The following PPP4R3A variants were observed in gnomAD, a reference collection of about 807,000 sequenced individuals.
The protein encoded by PPP4R3A is serine/threonine-protein phosphatase 4 regulatory subunit 3A.
PPP4R3A carries 15 observed loss-of-function variants against 91.7 expected under a neutral mutation model. The ratio of observed to expected loss-of-function variants is 0.16; its 90% CI spans 0.11 to 0.25. The LOEUF (loss-of-function observed/expected upper bound fraction) is 0.25, where lower values mean the gene tolerates loss of function less well. Ranked by LOEUF, PPP4R3A falls within the 10% of genes least tolerant of loss-of-function variation. PPP4R3A has a pLI of 1.00. For synonymous variants in PPP4R3A, 377 were observed against 348.7 expected (o/e 1.08, Z -0.91); for missense variants, 623 against 998.4 (o/e 0.62, Z 5.07).
At chr14:91,489,909 A>T (rs1890133453) in intron 2 of PPP4R3A, among the ~76,000 whole-genome samples, 1 of 152,246 alleles carries the variant, frequency 6.6e-6, no homozygotes, top group Non-Finnish European at 1.5e-5. Flanking sequence ...TGGTCAAACA[A>T]GTCACGACCT....
At chr14:91,495,329 T>TGTGTGTGTGTGTGTGTG (rs1409046314) in intron 1 of PPP4R3A, among the ~76,000 whole-genome samples, 10 of 151,166 alleles carry the variant, frequency 6.6e-5, no homozygotes, top group South Asian at 4.2e-4. Context: ...TGTGTGTATG[T>TGTGTGTGTGTGTGTGTG]TTTTTTTTAG....
At chr14:91,509,335 G>A (rs903370583) in intron 1 of PPP4R3A, among the ~76,000 whole-genome samples, 171 bp downstream of exon 1, 1 of 152,202 alleles carries the variant, frequency 6.6e-6, no homozygotes, top group African/African-American at 2.4e-5. Context: ...AGCGCTCTCC[G>A]GGGAGCTCCC....
intron 1 of PPP4R3A, among the ~76,000 whole-genome samples, chr14:91,498,540 A>G (rs1566653336): frequency 6.6e-6 from 1 of 152,132 alleles, no homozygotes; most frequent in Non-Finnish European, 1.5e-5. Context: ...AAGAGTATAA[A>G]GGTATCTAGC....
At chr14:91,488,552 G>A (rs1478165322) in intron 2 of PPP4R3A, among the ~76,000 whole-genome samples, 3 of 152,094 alleles carry the variant, frequency 2.0e-5, no homozygotes, top group African/African-American at 4.8e-5. Context: ...TTCATTTTTA[G>A]TTTACCTTTA....
chr14:91,494,982 T>C (rs1380101054), intron 1 of PPP4R3A, among the ~76,000 whole-genome samples: 1 of 152,178 alleles, frequency 6.6e-6, no homozygotes. Context: ...GGAAGCTTCA[T>C]ACATTGCTTC....
intron 1 of PPP4R3A, among the ~76,000 whole-genome samples, chr14:91,498,316 C>A (rs1890711747): frequency 1.3e-5 from 2 of 150,890 alleles, no homozygotes; most frequent in Admixed American, 1.3e-4. Flanking sequence ...GCCTAATTGA[C>A]AGTGAGACTC....
At chr14:91,501,224 G>T (rs1042737173) in intron 1 of PPP4R3A, among the ~76,000 whole-genome samples, 1 of 152,116 alleles carries the variant, frequency 6.6e-6, no homozygotes, top group Non-Finnish European at 1.5e-5. Context: ...GAAGTAATAT[G>T]GGAGTGTTTG....
In PPP4R3A at chr14:91,465,240, C is replaced by G. The variant is rs371238457; in HGVS notation, c.1830+10G>C. ...AAAATGAAAATTCTAATTAAAAATA[C>G]AGAACCTACCACTCTAATAAATTCA... On this transcript the variant is annotated intron_variant, in intron 11 of 14. Transcript: ENST00000554943. 71 of 1,498,412 alleles carry G rather than the reference C, an allele frequency of 4.7e-5. No individual in the cohort carries two copies. Among genetic ancestry groups the G allele is most frequent in the Admixed American group, 1.7e-4 (7 of 40,698 alleles). The allele number at this position is 1,498,412 out of a possible 1,614,324, so 92.8% of individuals were successfully genotyped here. A position where few individuals can be genotyped will look rare whatever the true frequency, so the allele number is the denominator to read the frequency against.
In PPP4R3A at chr14:91,509,884, G is replaced by A. The variant is rs1332153264; in HGVS notation, c.-237C>T. The A allele has an allele frequency of 3.7e-6, 4 of 1,093,792 alleles. No homozygotes were observed. Among genetic ancestry groups the A allele is most frequent in the African/African-American group, 1.7e-5 (1 of 59,820 alleles). 67.8% of individuals were successfully genotyped at this position (1,093,792 alleles called of 1,614,324 possible). On this transcript the variant is annotated 5_prime_UTR_variant, in exon 1 of 15. Transcript: ENST00000554943. ...CCCGGCGCTATTGTCCAGGCCTGGC[G>A]AGCCCGGCGCCCGGCAGCCCCGAGG...
In PPP4R3A at chr14:91,492,102, A is replaced by G. The variant is rs1366923282; in HGVS notation, c.143-1300T>C. On this transcript the variant is annotated intron_variant, in intron 1 of 14. Coordinates refer to ENST00000554943, the MANE Select transcript of PPP4R3A (RefSeq NM_001366432.2). Reference sequence around the variant, plus strand: ...AATAGAAATCTACTAATTTATGGACAGCAGAAGGTAATTAAACAACACAGT... The same window carrying G: ...AATAGAAATCTACTAATTTATGGACGGCAGAAGGTAATTAAACAACACAGT... Among the ~76,000 whole-genome samples, 6 of 152,354 alleles carry G rather than the reference A, an allele frequency of 3.9e-5. No homozygotes were observed. In the South Asian group the frequency reaches 1.2e-3, roughly 32 times the overall value.
intron 1 of PPP4R3A, among the ~76,000 whole-genome samples, chr14:91,504,256 A>G (rs749406304): frequency 1.3e-5 from 2 of 151,452 alleles, no homozygotes; most frequent in Admixed American, 6.6e-5. Context: ...TGAGCCCAGA[A>G]GTTTGAGGTT....
At chr14:91,505,903 A>G (rs1891263439) in intron 1 of PPP4R3A, among the ~76,000 whole-genome samples, 1 of 152,256 alleles carries the variant, frequency 6.6e-6, no homozygotes, top group African/African-American at 2.4e-5. Context: ...CTGGCAGTCA[A>G]CACAAAAACA....
Position 91,461,567 on chromosome 14 carries a change from G to T in PPP4R3A, c.2205C>A (p.Asn735Lys). ...SEEKEVLLKT[N>K]LSGRQSPSFK... ...AACTTGGGCTCTGCCGTCCAGAAAG[G>T]TTTGTTTTCAGAAGCACTTCCTTTT... Residue 735 changes from asparagine to lysine, a missense_variant, in exon 14 of 15, where the codon AAC (asparagine) becomes AAA (lysine). Physicochemically the swap from Asn to Lys is moderately conservative, Grantham distance 94. This residue lies in a region of PPP4R3A where 201 missense variants were observed against 229.9 expected (regional missense o/e 0.87). Transcript: ENST00000554943. 6.2e-7 allele frequency: 1 copy of T among 1,614,060 alleles called. No homozygotes were observed. The highest frequency in any genetic ancestry group is 8.5e-7 in the Non-Finnish European group (1 of 1,179,976).
intron 4 of PPP4R3A, 44 bp downstream of exon 4, chr14:91,481,532 C>T (rs543823486): frequency 2.1e-5 from 32 of 1,493,792 alleles, no homozygotes; most frequent in Admixed American, 1.2e-4. Context: ...AAATTGTTTT[C>T]GCTGCATCTC....
upstream of PPP4R3A, chr14:91,510,502 G>C (rs1051004795): frequency 6.6e-6 from 1 of 152,384 alleles, no homozygotes. Context: ...GACAGCCCGA[G>C]GCTCCCTCCC....
At chr14:91,461,297 A>C (rs1888138625) in intron 14 of PPP4R3A, 84 bp downstream of exon 14, 1 of 1,275,384 alleles carries the variant, frequency 7.8e-7, no homozygotes. Context: ...AGGTGGCAGT[A>C]ACCAAAGGGA....
At chr14:91,464,373 A>G (rs1254867029) in intron 11 of PPP4R3A, among the ~76,000 whole-genome samples, 6 of 144,926 alleles carry the variant, frequency 4.1e-5, no homozygotes, top group African/African-American at 1.5e-4. Flanking sequence ...AGTTCTGGAG[A>G]TGAATAATGG....
At position 91,462,127 on chromosome 14, in the gene PPP4R3A, C is replaced by T; in HGVS notation, c.2086G>A (p.Val696Ile). 1.2e-6 allele frequency: 2 copies of T among 1,603,396 alleles called. No homozygotes were observed. Among genetic ancestry groups the T allele is most frequent in the Non-Finnish European group, 1.7e-6 (2 of 1,176,036 alleles). Residue 696 changes from valine to isoleucine, a missense_variant, in exon 13 of 15, where the codon GTA becomes ATA. Val to Ile is a conservative substitution (Grantham distance 29). Around this residue, in one of 5 missense-constraint regions of PPP4R3A, gnomAD observed 201 missense variants for 229.9 expected, o/e 0.87. Coordinates refer to ENST00000554943, the MANE Select transcript of PPP4R3A (RefSeq NM_001366432.2). ...DEDDMEDGEA[V>I]VSPSDKTKND... ...TTAGTTTTGTCAGATGGAGACACTA[C>T]AGCTTCTCCATCTTCCATGTCATCT...
intron 1 of PPP4R3A, among the ~76,000 whole-genome samples, chr14:91,495,792 G>A (rs999638499): frequency 4.6e-5 from 7 of 152,032 alleles, no homozygotes; most frequent in East Asian, 1.9e-4. Flanking sequence ...GGCAGCGCAC[G>A]CCTGTAGTCC....
Sources: gnomAD v4.1 joint callset for allele counts (sites outside exome capture counted in the v4.1 genomes callset) on GRCh38, gnomAD v4.1.1 for gene constraint, gnomAD v4.1.1 regional missense constraint, MANE v1.5 for transcripts, NCBI Gene and HGNC (gene_info 2026-07-23, HGNC 2026-07-21) for gene names.